Variants in DBF4B observed in about 807,000 individuals in gnomAD.
DBF4B encodes the protein protein DBF4 homolog B.
In DBF4B, 49 loss-of-function variants were observed where a neutral mutation model predicts 53.4. The observed-to-expected ratio is 0.92, with a 90% CI of 0.73 to 1.16. DBF4B has a LOEUF of 1.16. Ranked by LOEUF, DBF4B falls within the 50% of genes most tolerant of loss-of-function variation. The probability of loss-of-function intolerance (pLI) is 0.00; values close to 1 mark genes in which losing one functional copy is unlikely to be tolerated. For synonymous variants in DBF4B, 257 were observed against 288.7 expected, an observed-to-expected ratio of 0.89 and a Z score of 1.11; for missense variants, 692 against 775.0, an observed-to-expected ratio of 0.89 and a Z score of 1.27.
intron 9 of DBF4B, among the ~76,000 whole-genome samples, chr17:44,741,003 C>T (rs1017370248): frequency 1.3e-5 from 2 of 152,060 alleles, no homozygotes; most frequent in Admixed American, 6.5e-5. Context: ...GCCATGGTGG[C>T]GGACGCCTGT....
At position 44,751,985 on chromosome 17, in the gene DBF4B, G is replaced by A. The variant is rs572163738; in HGVS notation, c.*732G>A. 48 of 1,534,462 alleles carry A rather than the reference G, an allele frequency of 3.1e-5. No homozygotes were observed. Among genetic ancestry groups the A allele is most frequent in the Admixed American group, 1.2e-4 (6 of 50,904 alleles). ...CTGAGTCAGCTCCGAGACACCTGAA[G>A]AGCCCTCCAGCCCTAACTACTTTAC... On this transcript the variant is annotated 3_prime_UTR_variant, in exon 14 of 14. Transcript: ENST00000315005.
intron 10 of DBF4B, among the ~76,000 whole-genome samples, chr17:44,746,231 CAAAA>C (rs11322604): frequency 4.6e-5 from 4 of 87,730 alleles, no homozygotes; most frequent in Non-Finnish European, 2.2e-5. Context: ...TACTCCATCT[CAAAA>C]AAAAAAAAAA....
rs1042816428 is a variant in DBF4B, at chr17:44,751,227, G to A, written c.1822G>A (p.Gly608Ser). 3.7e-6 allele frequency: 6 copies of A among 1,613,418 alleles called. No individual in the cohort carries two copies. The highest frequency in any genetic ancestry group is 1.7e-5 in the Admixed American group (1 of 59,996). ...CACTCCTCAGCCATTTCTCCATTGC[G>A]GCTTCCTGGCTGTAGACTCAGGTTA... ...WNTPQPFLHC[G>S]FLAVDSG Residue 608 changes from glycine (G) to serine (S), a missense_variant, in exon 14 of 14, where the codon GGC becomes AGC. Gly to Ser is a moderately conservative substitution (Grantham distance 56). Coordinates refer to ENST00000315005, the MANE Select transcript of DBF4B (RefSeq NM_145663.3).
intron 5 of DBF4B, 148 bp from the exon 6 acceptor site, chr17:44,732,030 C>G: frequency 1.5e-6 from 1 of 676,486 alleles, no homozygotes; most frequent in Non-Finnish European, 2.5e-6. Context: ...GATGGACTCT[C>G]TGGGCACTGT....
chr17:44,713,371 G>C (rs959881946), intron 2 of DBF4B, among the ~76,000 whole-genome samples: 1 of 150,688 alleles, frequency 6.6e-6, no homozygotes, highest in African/African-American at 2.4e-5. Context: ...AACATTATTC[G>C]GCCGGGCGCG....
At chr17:44,727,739 C>T (rs920081913) in intron 3 of DBF4B, among the ~76,000 whole-genome samples, 1 of 152,004 alleles carries the variant, frequency 6.6e-6, no homozygotes, top group Non-Finnish European at 1.5e-5. Flanking sequence ...CTCTTGATGC[C>T]CAGGCTGGAG....
At chr17:44,715,816 T>C (rs9972934) in intron 2 of DBF4B, among the ~76,000 whole-genome samples, 35 of 67,282 alleles carry the variant, frequency 5.2e-4, no homozygotes, top group African/African-American at 1.1e-3. Context: ...TTCTTTCTTT[T>C]TTTTTTTTTT....
chr17:44,749,417 G>A lies in DBF4B; in HGVS notation c.1189+952G>A. The A allele has an allele frequency of 7.8e-7, 1 of 1,289,440 alleles. No individual in the cohort carries two copies. Among genetic ancestry groups the A allele is most frequent in the Non-Finnish European group, 1.0e-6 (1 of 988,876 alleles). The allele number at this position is 1,289,440 out of a possible 1,614,324, so 79.9% of individuals were successfully genotyped here. On this transcript the variant is annotated intron_variant, in intron 13 of 13. Transcript: ENST00000315005. The surrounding 1 kb of genome is among the most constrained non-coding windows in gnomAD (Gnocchi z 4.4). ...GGGTGCTGCACACCCGGCCAGGGCT[G>A]ACCAGGACGCAGGAGGGGCAGAACC...
chr17:44,742,334 C>T (rs1416582890), intron 10 of DBF4B, among the ~76,000 whole-genome samples: 6 of 150,108 alleles, frequency 4.0e-5, no homozygotes, highest in African/African-American at 9.9e-5. Flanking sequence ...GGCTTGAACC[C>T]GGCAGGCGGA....
chr17:44,724,816 C>T (rs768195106), intron 3 of DBF4B, among the ~76,000 whole-genome samples: 1 of 151,608 alleles, frequency 6.6e-6, no homozygotes, highest in African/African-American at 2.4e-5. Flanking sequence ...CTCATCTCTA[C>T]GAAAAATAAA....
chr17:44,708,768 A>ATACGGAGGCCTCTGAGGAAGGAG lies in DBF4B; in HGVS notation c.-42_-20dup, dbSNP rs1431244535. 1.3e-6 allele frequency: 2 copies of ATACGGAGGCCTCTGAGGAAGGAG among 1,546,486 alleles called. No individual in the cohort carries two copies. Among genetic ancestry groups the ATACGGAGGCCTCTGAGGAAGGAG allele is most frequent in the South Asian group, 2.4e-5 (2 of 83,478 alleles). On this transcript the variant is annotated 5_prime_UTR_variant, in exon 1 of 14. An upstream open reading frame in the 5' UTR gains an earlier in-frame stop. Coordinates refer to ENST00000315005, the MANE Select transcript of DBF4B (RefSeq NM_145663.3). The stretch of plus-strand genomic sequence containing the variant: ...AGAGCTCATGGAGCTCGCGAATGTA[A>ATACGGAGGCCTCTGAGGAAGGAG]TACGGAGGCCTCTGAGGAAGGAGTA...
In DBF4B at chr17:44,710,686, C is replaced by T. The variant is rs537125020; in HGVS notation, c.82+1320C>T. Among the ~76,000 whole-genome samples the T allele has an allele frequency of 2.6e-5, 4 of 151,834 alleles. No individual in the cohort carries two copies. The East Asian group carries it at 7.8e-4, about 30-fold the overall frequency. On this transcript the variant is annotated intron_variant, in intron 2 of 13. Transcript: ENST00000315005. ...GATCAAGTGATCCTCCCACCTCAGA[C>T]TCCCAGGTAGCTGGGACTGCAGGCA...
chr17:44,714,698 A>C (rs1414505845), intron 2 of DBF4B, among the ~76,000 whole-genome samples: 1 of 152,034 alleles, frequency 6.6e-6, no homozygotes, highest in Non-Finnish European at 1.5e-5. Context: ...TATTGCTATT[A>C]TTGTCAAAAA....
intron 10 of DBF4B, among the ~76,000 whole-genome samples, chr17:44,745,176 C>T (rs1567673588): frequency 6.6e-6 from 1 of 150,788 alleles, no homozygotes; most frequent in Non-Finnish European, 1.5e-5. Context: ...AAGTGATCCT[C>T]CCACCTTGAC....
rs1468989784 is a variant in DBF4B at position 44,751,464 on chromosome 17, T to C, written c.*211T>C. On this transcript the variant is annotated 3_prime_UTR_variant, in exon 14 of 14. Transcript: ENST00000315005. ...TCCCTTTTCAACATGTTGCCGTTTC[T>C]TTCTGAAGAGGTGTCCTCCCTCCAC... 3 of 1,412,494 alleles carry C rather than the reference T, an allele frequency of 2.1e-6. No homozygotes were observed. The highest frequency in any genetic ancestry group is 2.8e-6 in the Non-Finnish European group (3 of 1,088,626). The allele number at this position is 1,412,494 out of a possible 1,614,324, so 87.5% of individuals were successfully genotyped here.
chr17:44,729,867 C>CT, intron 3 of DBF4B, 38 bp from the exon 4 acceptor site: 1 of 1,599,720 alleles, frequency 6.3e-7, no homozygotes, highest in Admixed American at 1.7e-5. Flanking sequence ...TCTGCATTTG[C>CT]TTTTTGGTTT....
At chr17:44,717,942 C>A (rs1026924059) in intron 2 of DBF4B, among the ~76,000 whole-genome samples, 1 of 151,794 alleles carries the variant, frequency 6.6e-6, no homozygotes, top group East Asian at 1.9e-4. Flanking sequence ...GGGAGGATCC[C>A]TTGAGCCCAG....
At chr17:44,729,183 A>G (rs1406348404) in intron 3 of DBF4B, among the ~76,000 whole-genome samples, 1 of 152,090 alleles carries the variant, frequency 6.6e-6, no homozygotes, top group Non-Finnish European at 1.5e-5. Flanking sequence ...TGTATATAAC[A>G]TAAAATAAGC....
chr17:44,739,964 C>A (rs1302469610), intron 9 of DBF4B, among the ~76,000 whole-genome samples: 3 of 152,190 alleles, frequency 2.0e-5, no homozygotes, highest in Non-Finnish European at 4.4e-5. Flanking sequence ...GGGGTTTGGC[C>A]ATGTTGGCCT....
Sources: gnomAD v4.1 joint callset for allele counts (sites outside exome capture counted in the v4.1 genomes callset) on GRCh38, gnomAD v4.1.1 for gene constraint, Gnocchi (gnomAD v3.1) non-coding constraint, MANE v1.5 for transcripts, NCBI Gene and HGNC (gene_info 2026-07-23, HGNC 2026-07-21) for gene names.